ACER1: variants seen among roughly 807,000 people sequenced by gnomAD.
ACER1 encodes alkaline ceramidase 1.
Under a neutral mutation model 24.9 loss-of-function variants are expected in ACER1, and 28 were observed. The ratio of observed to expected loss-of-function variants is 1.13; its 90% CI spans 0.83 to 1.54. The LOEUF (loss-of-function observed/expected upper bound fraction) is 1.54, where lower values mean the gene tolerates loss of function less well. Among genes scored for constraint, ACER1 ranks in the 40% most tolerant of loss-of-function variants. The pLI is 0.00. For missense variants in ACER1, 352 were observed against 349.3 expected (o/e 1.01, Z -0.06); for synonymous variants, 132 against 131.4 (o/e 1.00, Z -0.03).
chr19:6,351,059 AAGGCACTCAATAAATATGAGTTAT>A, the ACER1 span, among the ~76,000 whole-genome samples: 1 of 152,102 alleles, frequency 6.6e-6, no homozygotes, highest in Admixed American at 6.6e-5. Context: ...TAAACCAGTG[AAGGCACTCAATAAATATGAGTTAT>A]AGGCCGGGTG....
chr19:6,357,869 G>T, the ACER1 span, among the ~76,000 whole-genome samples: 1 of 152,152 alleles, frequency 6.6e-6, no homozygotes. Flanking sequence ...ACCTGTTAGG[G>T]AGCTATTAAC....
At chr19:6,335,301 T>C (rs1259615990), upstream of ACER1, among the ~76,000 whole-genome samples, 2 of 147,078 alleles carry the variant, frequency 1.4e-5, no homozygotes, top group African/African-American at 5.0e-5. Context: ...CTTGGCTCAC[T>C]GCAACCTCCA....
the ACER1 span, among the ~76,000 whole-genome samples, chr19:6,339,016 A>G: frequency 1.3e-5 from 2 of 151,686 alleles, no homozygotes; most frequent in Admixed American, 6.6e-5. Context: ...AGCTGGGATT[A>G]CAGGCGCCCA....
chr19:6,306,913 C>T (rs754354115), intron 5 of ACER1, 31 bp from the exon 6 acceptor site: 29 of 1,593,988 alleles, frequency 1.8e-5, no homozygotes, highest in Non-Finnish European at 2.4e-5. Flanking sequence ...GTGGCGAGGG[C>T]ACAAGATACC....
At chr19:6,351,496 T>C in the ACER1 span, among the ~76,000 whole-genome samples, 39,467 of 148,630 alleles carry the variant, frequency 0.27, 7,146 homozygotes, top group African/African-American at 0.51. Flanking sequence ...TTTGAGAGGC[T>C]GAGGCAGGAG....
chr19:6,324,887 G>GGAAGGAAGGAAC (rs1163973567), intron 1 of ACER1, among the ~76,000 whole-genome samples: 1 of 150,040 alleles, frequency 6.7e-6, no homozygotes, highest in Non-Finnish European at 1.5e-5. Context: ...AAGGAAGGAA[G>GGAAGGAAGGAAC]GAAGGAAGGA....
At chr19:6,351,456 C>G in the ACER1 span, among the ~76,000 whole-genome samples, 1 of 147,646 alleles carries the variant, frequency 6.8e-6, no homozygotes, top group African/African-American at 2.5e-5. Context: ...TTTGGCCAGG[C>G]GTGGTGGCTC....
At chr19:6,316,482 G>A (rs2091603628) in intron 1 of ACER1, among the ~76,000 whole-genome samples, 1 of 152,052 alleles carries the variant, frequency 6.6e-6, no homozygotes, top group African/African-American at 2.4e-5. Flanking sequence ...CAACATGGAT[G>A]GAACCGGAGG....
intron 1 of ACER1, among the ~76,000 whole-genome samples, chr19:6,324,860 A>AAAGGTAGG (rs2091651881): frequency 2.0e-5 from 2 of 100,288 alleles, no homozygotes; most frequent in Non-Finnish European, 4.1e-5. Context: ...AGAGAGAGAG[A>AAAGGTAGG]AAGGAAGGAA....
upstream of ACER1, among the ~76,000 whole-genome samples, chr19:6,338,501 A>G (rs2091723321): frequency 6.6e-6 from 1 of 152,242 alleles, no homozygotes. Flanking sequence ...TAGTTATAAA[A>G]GAGGTACCAC....
the ACER1 span, among the ~76,000 whole-genome samples, chr19:6,360,001 GA>G: frequency 6.6e-6 from 1 of 152,176 alleles, no homozygotes; most frequent in Non-Finnish European, 1.5e-5. Flanking sequence ...ACTGAATGAT[GA>G]AAAAGAATCT....
At chr19:6,336,548 C>T (rs996976759), upstream of ACER1, among the ~76,000 whole-genome samples, 23 of 152,030 alleles carry the variant, frequency 1.5e-4, no homozygotes, top group African/African-American at 4.8e-4. Context: ...GGGCTGGGCA[C>T]GGTGGCTCAT....
At chr19:6,316,396 C>A (rs2091603217) in intron 1 of ACER1, among the ~76,000 whole-genome samples, 1 of 152,132 alleles carries the variant, frequency 6.6e-6, no homozygotes, top group Non-Finnish European at 1.5e-5. Context: ...TGTGATTGTG[C>A]CACTTCACTC....
the ACER1 span, among the ~76,000 whole-genome samples, chr19:6,347,109 A>AAAAAAAATATATAT: frequency 1.3e-3 from 151 of 113,738 alleles, 2 homozygotes; most frequent in African/African-American, 6.5e-3. Flanking sequence ...AAAAAAAAAA[A>AAAAAAAATATATAT]ATATATATAT....
the ACER1 span, among the ~76,000 whole-genome samples, chr19:6,341,515 C>A: frequency 7.0e-6 from 1 of 143,712 alleles, no homozygotes; most frequent in South Asian, 2.2e-4. Context: ...CAGAGCAAGA[C>A]CTTGTCTCAA....
intron 1 of ACER1, among the ~76,000 whole-genome samples, chr19:6,322,181 C>T (rs1172807989): frequency 6.6e-6 from 1 of 152,148 alleles, no homozygotes; most frequent in Non-Finnish European, 1.5e-5. Flanking sequence ...ACGGCATCTG[C>T]CTTCCCTGGG....
At chr19:6,355,250 C>A in the ACER1 span, among the ~76,000 whole-genome samples, 1 of 151,974 alleles carries the variant, frequency 6.6e-6, no homozygotes, top group Non-Finnish European at 1.5e-5. Flanking sequence ...GCCACCCTGT[C>A]TGGGAAGTGA....
At chr19:6,325,488 A>G (rs1408142797) in intron 1 of ACER1, among the ~76,000 whole-genome samples, 1 of 152,152 alleles carries the variant, frequency 6.6e-6, no homozygotes, top group African/African-American at 2.4e-5. Flanking sequence ...CCCTGTCTCT[A>G]TTAAAAATAC....
intron 3 of ACER1, among the ~76,000 whole-genome samples, chr19:6,311,628 GAGGAGA>G (rs2091581636): frequency 6.7e-6 from 1 of 148,364 alleles, no homozygotes; most frequent in Admixed American, 6.7e-5. Context: ...GAAGGAGGAG[GAGGAGA>G]AGAAGAAGAA....
Sources: allele counts gnomAD v4.1 joint callset (sites outside exome capture counted in the v4.1 genomes callset), GRCh38; gene constraint gnomAD v4.1.1; transcripts MANE v1.5; gene names NCBI Gene and HGNC (gene_info 2026-07-23, HGNC 2026-07-21).